The following UBE2H variants were observed in gnomAD, a reference collection of about 807,000 sequenced individuals.
The protein encoded by UBE2H is ubiquitin-conjugating enzyme E2 H.
A neutral mutation model predicts 29.0 loss-of-function variants in UBE2H; 3 were observed. The ratio of observed to expected loss-of-function variants is 0.10; its 90% CI spans 0.05 to 0.27. The LOEUF (loss-of-function observed/expected upper bound fraction) is 0.27. UBE2H is among the 10% of genes least tolerant of loss of function. The pLI, the probability that UBE2H is intolerant of heterozygous loss-of-function variation, is 1.00. For synonymous variants in UBE2H, 69 were observed against 82.9 expected (o/e 0.83, Z 0.91); for missense variants, 68 against 228.2 (o/e 0.30, Z 4.52).
chr7:129,925,190 A>C (rs1212929742), intron 1 of UBE2H, among the ~76,000 whole-genome samples: 1 of 152,090 alleles, frequency 6.6e-6, no homozygotes, highest in African/African-American at 2.4e-5. Flanking sequence ...TCTACTAAAA[A>C]TACAAAAATT....
chr7:129,851,940 T>C (rs1805617714), intron 5 of UBE2H, among the ~76,000 whole-genome samples: 1 of 152,226 alleles, frequency 6.6e-6, no homozygotes, highest in Admixed American at 6.5e-5. Context: ...CATTTCTTTA[T>C]TATGTACAAC....
chr7:129,857,853 T>C (rs1805733869), intron 4 of UBE2H, among the ~76,000 whole-genome samples: 1 of 152,196 alleles, frequency 6.6e-6, no homozygotes, highest in Non-Finnish European at 1.5e-5. Flanking sequence ...CTGAATGTGA[T>C]ACCCCAAGAA....
intron 3 of UBE2H, among the ~76,000 whole-genome samples, chr7:129,871,359 AT>A (rs201093784): frequency 6.6e-6 from 1 of 152,148 alleles, no homozygotes; most frequent in African/African-American, 2.4e-5. Flanking sequence ...ATCTCTATTT[AT>A]TTTTTTACAA....
At chr7:129,917,164 G>A (rs190276516) in intron 1 of UBE2H, among the ~76,000 whole-genome samples, 8 of 152,026 alleles carry the variant, frequency 5.3e-5, no homozygotes, top group South Asian at 2.1e-4. Context: ...ACTGCACTCC[G>A]GCCTGGCAAC....
intron 1 of UBE2H, among the ~76,000 whole-genome samples, chr7:129,888,918 G>A (rs545567122): frequency 6.5e-4 from 99 of 152,262 alleles, no homozygotes; most frequent in Non-Finnish European, 1.2e-3. Context: ...CTTCCAGCCC[G>A]GAGGGAGGGA....
In UBE2H at chr7:129,952,688, A is replaced by AGCC. The variant is rs992619758; in HGVS notation, c.-136_-134dup. The AGCC allele has an allele frequency of 2.3e-5, 24 of 1,035,478 alleles. No individual in the cohort carries two copies. Among genetic ancestry groups the AGCC allele is most frequent in the Middle Eastern group, 3.2e-4 (1 of 3,160 alleles). 64.1% of individuals were successfully genotyped at this position (1,035,478 alleles called of 1,614,324 possible). ...CCCCCGCGGTCCCGGCGGTCCCGTC[A>AGCC]GCCGCCGCCGCCGCCCCCCGCACGG... On this transcript the variant is annotated 5_prime_UTR_variant, in exon 1 of 7. Coordinates refer to ENST00000355621, the MANE Select transcript of UBE2H (RefSeq NM_003344.4).
intron 1 of UBE2H, among the ~76,000 whole-genome samples, chr7:129,950,622 C>T (rs372517972): frequency 6.6e-6 from 1 of 152,268 alleles, no homozygotes; most frequent in East Asian, 1.9e-4. Context: ...CGATCACAAA[C>T]AGCTGGAATT....
At position 129,871,225 on chromosome 7, in the gene UBE2H, CT is replaced by C. The variant is rs1232725564; in HGVS notation, c.205+8342del. On this transcript the variant is annotated intron_variant, in intron 3 of 6. Coordinates refer to ENST00000355621, the MANE Select transcript of UBE2H (RefSeq NM_003344.4). ...GTAGGTATCCAATAACTTTGTGAAA[CT>C]GATTGGAAGGATGATGTATGCCACA... Among the ~76,000 whole-genome samples the C allele has an allele frequency of 1.4e-4, 21 of 152,310 alleles. No homozygotes were observed. In the South Asian group the frequency reaches 4.4e-3, roughly 32 times the overall value.
intron 5 of UBE2H, among the ~76,000 whole-genome samples, chr7:129,846,346 A>AAATAATAAT (rs71175044): frequency 0.024 from 3,534 of 146,332 alleles, 78 homozygotes; most frequent in African/African-American, 0.065. Context: ...GGTCTCTACA[A>AAATAATAAT]AATAATAATA....
chr7:129,917,832 T>C (rs905811506), intron 1 of UBE2H, among the ~76,000 whole-genome samples: 21 of 143,212 alleles, frequency 1.5e-4, no homozygotes, highest in Non-Finnish European at 3.0e-4. Flanking sequence ...AAATTAAAAA[T>C]AGGATCTACA....
chr7:129,917,180 G>C (rs988974062), intron 1 of UBE2H, among the ~76,000 whole-genome samples: 1 of 152,162 alleles, frequency 6.6e-6, no homozygotes, highest in Non-Finnish European at 1.5e-5. Flanking sequence ...GCAACAAAGC[G>C]AGACTCCGTC....
At chr7:129,925,229 T>C (rs1417150863) in intron 1 of UBE2H, among the ~76,000 whole-genome samples, 1 of 151,814 alleles carries the variant, frequency 6.6e-6, no homozygotes, top group Non-Finnish European at 1.5e-5. Context: ...GCTCCTGTAA[T>C]CCCAGCTACT....
chr7:129,846,507 G>T (rs540510702), intron 5 of UBE2H, among the ~76,000 whole-genome samples: 14 of 152,056 alleles, frequency 9.2e-5, no homozygotes, highest in Admixed American at 6.5e-4. Flanking sequence ...GCTGCAGTAT[G>T]TTGTGATGCC....
intron 1 of UBE2H, among the ~76,000 whole-genome samples, chr7:129,888,865 A>G (rs1337055179): frequency 6.6e-6 from 1 of 152,214 alleles, no homozygotes; most frequent in Non-Finnish European, 1.5e-5. Context: ...GTACAGAAAG[A>G]GTTTGCATAA....
chr7:129,928,236 G>A (rs1022791203), intron 1 of UBE2H, among the ~76,000 whole-genome samples: 3 of 151,990 alleles, frequency 2.0e-5, no homozygotes, highest in African/African-American at 7.2e-5. Context: ...TGAGGCAGGA[G>A]AAGTGCTTCA....
chr7:129,917,248 G>C (rs1388170411), intron 1 of UBE2H, among the ~76,000 whole-genome samples: 1 of 152,170 alleles, frequency 6.6e-6, no homozygotes, highest in Admixed American at 6.5e-5. Context: ...CTACAAATTC[G>C]AGATTATGCT....
In UBE2H at chr7:129,832,804, C is replaced by T. The variant is rs868678410; in HGVS notation, c.*2133G>A. 5 of 151,868 alleles carry T rather than the reference C, an allele frequency of 3.3e-5. 1 individual carries two copies. The South Asian group carries it at 1.0e-3, about 31-fold the overall frequency. 9.4% of individuals were successfully genotyped at this position (151,868 alleles called of 1,614,324 possible). A position where few individuals can be genotyped will look rare whatever the true frequency, so the allele number is the denominator to read the frequency against. Reference sequence around the variant, plus strand: ...TTGTTTATACAATATTGAAAAAATACAATTTTTTATTGTTTGAACTCAAAT... The same window carrying T: ...TTGTTTATACAATATTGAAAAAATATAATTTTTTATTGTTTGAACTCAAAT... On this transcript the variant is annotated 3_prime_UTR_variant, in exon 7 of 7. Coordinates refer to ENST00000355621, the MANE Select transcript of UBE2H (RefSeq NM_003344.4).
chr7:129,890,274 C>T (rs188160190), intron 1 of UBE2H, among the ~76,000 whole-genome samples: 76 of 147,550 alleles, frequency 5.2e-4, no homozygotes, highest in African/African-American at 1.6e-3. Context: ...TATATACACA[C>T]GTATATATAT....
chr7:129,859,146 T>C (rs1024571629), intron 3 of UBE2H, among the ~76,000 whole-genome samples: 1 of 152,188 alleles, frequency 6.6e-6, no homozygotes, highest in African/African-American at 2.4e-5. Context: ...TATTAACAAA[T>C]GAGCAAACTG....
Sources: allele counts gnomAD v4.1 joint callset (sites outside exome capture counted in the v4.1 genomes callset), GRCh38; gene constraint gnomAD v4.1.1; transcripts MANE v1.5; gene names NCBI Gene and HGNC (gene_info 2026-07-23, HGNC 2026-07-21).